The following ARMC1 variants were observed in gnomAD, a reference collection of about 807,000 sequenced individuals.
ARMC1 encodes the protein armadillo repeat containing 1.
A neutral mutation model predicts 31.4 loss-of-function variants in ARMC1; 16 were observed. That is an observed-to-expected ratio of 0.51 (90% CI 0.34 to 0.77). The LOEUF is 0.77. ARMC1 is among the 30% of genes least tolerant of loss of function. ARMC1 has a pLI of 0.01. For missense variants in ARMC1, 259 were observed against 347.5 expected, an observed-to-expected ratio of 0.75 and a Z score of 2.02; for synonymous variants, 114 against 118.9, an observed-to-expected ratio of 0.96 and a Z score of 0.27.
intron 4 of ARMC1, among the ~76,000 whole-genome samples, chr8:65,610,068 GAATTA>G (rs1808098036): frequency 6.6e-6 from 1 of 150,754 alleles, no homozygotes; most frequent in South Asian, 2.1e-4. Flanking sequence ...TTAGCCTCTA[GAATTA>G]AACAACTAAA....
intron 4 of ARMC1, 97 bp downstream of exon 4, chr8:65,613,147 A>G: frequency 9.9e-7 from 1 of 1,014,952 alleles, no homozygotes; most frequent in South Asian, 2.0e-5. Flanking sequence ...TCAGTAAAAT[A>G]CTGATATCGA....
At chr8:65,606,950 C>G (rs1395110710) in intron 4 of ARMC1, among the ~76,000 whole-genome samples, 1 of 152,228 alleles carries the variant, frequency 6.6e-6, no homozygotes, top group African/African-American at 2.4e-5. Context: ...CACACCAAAT[C>G]ACACTCTCTA....
intron 4 of ARMC1, among the ~76,000 whole-genome samples, chr8:65,609,854 T>G (rs1808086239): frequency 3.2e-5 from 1 of 30,844 alleles, no homozygotes. Flanking sequence ...CAAGACTCTG[T>G]CTCAAAAAAA....
chr8:65,630,387 C>G (rs1269211471), intron 1 of ARMC1, among the ~76,000 whole-genome samples: 1 of 152,160 alleles, frequency 6.6e-6, no homozygotes, highest in African/African-American at 2.4e-5. Context: ...CTTTTGCATA[C>G]AACGCTGGCC....
At chr8:65,628,615 T>C (rs910282974) in intron 1 of ARMC1, among the ~76,000 whole-genome samples, 22 of 150,388 alleles carry the variant, frequency 1.5e-4, no homozygotes, top group African/African-American at 4.9e-4. Context: ...CCCAGCACTT[T>C]GGGAGGCCGA....
intron 1 of ARMC1, among the ~76,000 whole-genome samples, chr8:65,631,144 A>G (rs964168739): frequency 1.3e-5 from 2 of 152,202 alleles, no homozygotes; most frequent in Admixed American, 1.3e-4. Flanking sequence ...AAACTTCAGG[A>G]GAGAACTCCT....
At chr8:65,620,211 A>G (rs1808362961) in intron 3 of ARMC1, among the ~76,000 whole-genome samples, 1 of 151,526 alleles carries the variant, frequency 6.6e-6, no homozygotes, top group Admixed American at 6.6e-5. Flanking sequence ...TAGTGTCACT[A>G]GCCACATGAC....
chr8:65,626,687 G>A (rs1808517828), intron 2 of ARMC1, among the ~76,000 whole-genome samples: 2 of 152,032 alleles, frequency 1.3e-5, no homozygotes, highest in Admixed American at 1.3e-4. Context: ...GGAAGTGGTA[G>A]GACATTCCAT....
intron 4 of ARMC1, among the ~76,000 whole-genome samples, chr8:65,609,857 C>CAAAA (rs35519675): frequency 4.5e-4 from 42 of 92,938 alleles, no homozygotes; most frequent in African/African-American, 7.5e-4. Flanking sequence ...GACTCTGTCT[C>CAAAA]AAAAAAAAAA....
At chr8:65,623,786 CTTT>C (rs201008780) in intron 2 of ARMC1, among the ~76,000 whole-genome samples, 8 of 26,086 alleles carry the variant, frequency 3.1e-4, no homozygotes, top group Non-Finnish European at 3.9e-4. Context: ...AAAGTAAAAT[CTTT>C]TTTTTTTTTT....
intron 3 of ARMC1, among the ~76,000 whole-genome samples, chr8:65,615,712 G>GA (rs932719948): frequency 1.1e-4 from 17 of 151,588 alleles, no homozygotes; most frequent in African/African-American, 2.7e-4. Flanking sequence ...CTCTTAAAAA[G>GA]AAAAAATGAA....
chr8:65,620,632 T>C (rs992209882), intron 3 of ARMC1, among the ~76,000 whole-genome samples: 1 of 151,902 alleles, frequency 6.6e-6, no homozygotes, highest in African/African-American at 2.4e-5. Flanking sequence ...CATGTTGCTA[T>C]TGATTACCAT....
chr8:65,629,025 G>C (rs1377830757), intron 1 of ARMC1, among the ~76,000 whole-genome samples: 1 of 151,868 alleles, frequency 6.6e-6, no homozygotes, highest in African/African-American at 2.4e-5. Context: ...TTGGTGGTGG[G>C]TGCCTGTAAT....
chr8:65,620,844 T>G (rs1808380003), intron 3 of ARMC1, among the ~76,000 whole-genome samples: 1 of 150,054 alleles, frequency 6.7e-6, no homozygotes, highest in Admixed American at 6.7e-5. Flanking sequence ...GGCTCATGCC[T>G]GTAATTCCAG....
At chr8:65,629,097 G>C (rs918290116) in intron 1 of ARMC1, among the ~76,000 whole-genome samples, 1 of 151,394 alleles carries the variant, frequency 6.6e-6, no homozygotes, top group African/African-American at 2.4e-5. Flanking sequence ...GGAGGTTGCA[G>C]TGAGCCGAGA....
chr8:65,633,579 C>A (rs1215236669), intron 1 of ARMC1: 1 of 152,252 alleles, frequency 6.6e-6, no homozygotes, highest in Non-Finnish European at 1.5e-5. Flanking sequence ...AATACCTACC[C>A]CCGCCCTCCC....
intron 2 of ARMC1, among the ~76,000 whole-genome samples, chr8:65,623,957 C>T (rs1808458178): frequency 6.6e-6 from 1 of 151,110 alleles, no homozygotes; most frequent in Admixed American, 6.6e-5. Flanking sequence ...GCCACCACGC[C>T]TGGCTAATTT....
At chr8:65,625,926 T>C (rs1336877585) in intron 2 of ARMC1, among the ~76,000 whole-genome samples, 3 of 151,634 alleles carry the variant, frequency 2.0e-5, no homozygotes, top group Non-Finnish European at 2.9e-5. Flanking sequence ...TTCACTCTTG[T>C]TGCCCAGGCT....
chr8:65,626,411 C>T (rs1048344019), intron 2 of ARMC1, among the ~76,000 whole-genome samples: 1 of 141,970 alleles, frequency 7.0e-6, no homozygotes. Flanking sequence ...TGAGACCAGC[C>T]TAGTTAACAT....
Sources: gnomAD v4.1 joint callset for allele counts (sites outside exome capture counted in the v4.1 genomes callset) on GRCh38, gnomAD v4.1.1 for gene constraint, MANE v1.5 for transcripts, NCBI Gene and HGNC (gene_info 2026-07-23, HGNC 2026-07-21) for gene names.